The following RIOK1 variants were observed in gnomAD, a reference collection of about 807,000 sequenced individuals.
RIOK1 encodes serine/threonine-protein kinase RIO1.
RIOK1 carries 66 observed loss-of-function variants against 73.5 expected under a neutral mutation model. That is an observed-to-expected ratio of 0.90 (90% CI 0.74 to 1.10). The LOEUF (loss-of-function observed/expected upper bound fraction) is 1.10, where lower values mean the gene tolerates loss of function less well. RIOK1 is among the 50% of genes least tolerant of loss of function. The probability of loss-of-function intolerance (pLI) is 0.00; values close to 1 mark genes in which losing one functional copy is unlikely to be tolerated. For synonymous variants in RIOK1, 224 were observed against 226.8 expected (o/e 0.99, Z 0.11); for missense variants, 658 against 699.8 (o/e 0.94, Z 0.67).
At chr6:7,393,365 G>T in intron 2 of RIOK1, 62 bp downstream of exon 2, 2 of 1,373,036 alleles carry the variant, frequency 1.5e-6, no homozygotes, top group South Asian at 1.2e-5. Context: ...TTTTTAAAAG[G>T]CTGTTTTGTG....
chr6:7,404,123 C>A, intron 9 of RIOK1, 96 bp downstream of exon 9: 1 of 881,684 alleles, frequency 1.1e-6, no homozygotes, highest in Non-Finnish European at 1.9e-6. Context: ...ATTTGAATAA[C>A]TTATTAATCT....
In RIOK1 at chr6:7,403,939, A is replaced by G. The variant is rs749779190; in HGVS notation, c.768-2A>G. ...GTCCTTTTATTTGTTATAATATCAC[A>G]GGCTAAACACAGCAGAGATACCATG... On this transcript the variant is annotated splice_acceptor_variant, in intron 8 of 16. Transcript: ENST00000379834. LOFTEE classifies it high-confidence loss of function. 1 of 1,605,074 alleles carries G rather than the reference A, an allele frequency of 6.2e-7. No homozygotes were observed. Among genetic ancestry groups the G allele is most frequent in the East Asian group, 2.2e-5 (1 of 44,698 alleles).
chr6:7,411,180 G>T, intron 13 of RIOK1, 152 bp from the exon 14 acceptor site: 1 of 675,940 alleles, frequency 1.5e-6, no homozygotes. Flanking sequence ...CATCACAGAT[G>T]GGATACCAGT....
chr6:7,417,195 G>A, intron 16 of RIOK1, 136 bp from the exon 17 acceptor site: 1 of 525,084 alleles, frequency 1.9e-6, no homozygotes, highest in Non-Finnish European at 3.4e-6. Context: ...AGGCTGAAGT[G>A]AACCATGGTC....
chr6:7,411,368 G>T lies in RIOK1; in HGVS notation c.1306G>T (p.Glu436Ter). ...KRAYIPRTLN[E>*]VKNYERDMDI... ...AGCATATATTCCTAGAACCTTGAATGAAGTGAAAAATTATGAGAGGGATAT... is the reference window on the plus strand; with the variant it reads ...AGCATATATTCCTAGAACCTTGAATTAAGTGAAAAATTATGAGAGGGATAT... The change falls in exon 14 of 17, where the codon GAA (glutamate) becomes TAA (stop). Residue 436 changes from glutamate (E) to a stop codon, truncating the protein, a stop_gained. Transcript: ENST00000379834. LOFTEE classifies it high-confidence loss of function. The T allele has an allele frequency of 1.2e-6, 2 of 1,614,018 alleles. No homozygotes were observed. The highest frequency in any genetic ancestry group is 1.7e-6 in the Non-Finnish European group (2 of 1,179,934).
chr6:7,400,818 C>T (rs1761593316), intron 5 of RIOK1, 140 bp from the exon 6 acceptor site: 2 of 568,164 alleles, frequency 3.5e-6, no homozygotes, highest in East Asian at 3.2e-5. Context: ...TGAATAAAAG[C>T]ACCAAATAGT....
intron 14 of RIOK1, among the ~76,000 whole-genome samples, chr6:7,412,478 A>G (rs1411966229): frequency 1.3e-5 from 2 of 152,128 alleles, no homozygotes; most frequent in Non-Finnish European, 2.9e-5. Flanking sequence ...AACATGGTGA[A>G]ACCTCGTCTC....
At chr6:7,405,431 C>A in intron 12 of RIOK1, 76 bp downstream of exon 12, 2 of 869,020 alleles carry the variant, frequency 2.3e-6, no homozygotes, top group East Asian at 2.5e-5. Context: ...TGCTTGGGAC[C>A]AGAAGTGTTT....
intron 4 of RIOK1, among the ~76,000 whole-genome samples, chr6:7,397,585 A>G (rs967698108): frequency 6.6e-6 from 1 of 152,238 alleles, no homozygotes; most frequent in Non-Finnish European, 1.5e-5. Flanking sequence ...TATTATCACT[A>G]TATTATAGAA....
At chr6:7,405,095 T>A in intron 11 of RIOK1, 74 bp downstream of exon 11, 1 of 1,320,636 alleles carries the variant, frequency 7.6e-7, no homozygotes, top group Non-Finnish European at 1.1e-6. Context: ...GCTGTTGGCG[T>A]AAAATTTTCT....
chr6:7,404,503 A>T lies in RIOK1; in HGVS notation c.940A>T (p.Met314Leu). The stretch of plus-strand genomic sequence containing the variant: ...GCAGGTCATTCAGTACATGAGAAGA[A>T]TGTATCAGGATGCCAGACTTGTCCA... ...YLQVIQYMRR[M>L]YQDARLVHAD... Residue 314 changes from methionine to leucine, a missense_variant, in exon 10 of 17, where the codon ATG becomes TTG. Transcript: ENST00000379834. 6.2e-7 allele frequency: 1 copy of T among 1,614,208 alleles called. No individual in the cohort carries two copies. The highest frequency in any genetic ancestry group is 8.5e-7 in the Non-Finnish European group (1 of 1,180,034).
chr6:7,396,920 T>TGTGTGTGTGTG, intron 4 of RIOK1, 148 bp downstream of exon 4: 9 of 525,170 alleles, frequency 1.7e-5, no homozygotes, highest in South Asian at 8.4e-5. Context: ...TGTGTGTGTG[T>TGTGTGTGTGTG]TTTCCTTAGC....
At chr6:7,394,113 ATCC>A (rs1761410073) in intron 2 of RIOK1, among the ~76,000 whole-genome samples, 39 of 152,344 alleles carry the variant, frequency 2.6e-4, no homozygotes, top group Admixed American at 2.2e-3. Context: ...ATAAAGGTTA[ATCC>A]AGCAGTCTTC....
In RIOK1 at chr6:7,402,609, G is replaced by A. The variant is rs750700819; in HGVS notation, c.580G>A (p.Val194Ile). ...GCISTGKEAN[V>I]YHASTANGES... The stretch of plus-strand genomic sequence containing the variant: ...TTTTTTTGACTTAATATAGGCTAAT[G>A]TATACCATGCTAGCACAGCAAATGG... Residue 194 changes from valine (V) to isoleucine (I), a missense_variant, in exon 7 of 17, where the codon GTA becomes ATA. Transcript: ENST00000379834. 3 of 1,591,194 alleles carry A rather than the reference G, an allele frequency of 1.9e-6. No homozygotes were observed. Among genetic ancestry groups the A allele is most frequent in the Non-Finnish European group, 2.6e-6 (3 of 1,170,872 alleles).
chr6:7,393,285 T>C lies in RIOK1; in HGVS notation c.258T>C (p.Asn86=). Residue 86 remains asparagine (N), a synonymous_variant, in exon 2 of 17, where the codon AAT becomes AAC. Transcript: ENST00000379834. ...VGKLAKGYVW[N]GGSNPQANRQ... ...AACTCGCCAAGGGTTATGTCTGGAA[T>C]GGAGGAAGCAACCCACAGGTATTTT... 6.2e-7 allele frequency: 1 copy of C among 1,614,090 alleles called. No individual in the cohort carries two copies. The highest frequency in any genetic ancestry group is 2.2e-5 in the East Asian group (1 of 44,876).
chr6:7,417,384 T>C lies in RIOK1; in HGVS notation c.1650T>C (p.Ile550=), dbSNP rs1762034023. 2 of 1,565,178 alleles carry C rather than the reference T, an allele frequency of 1.3e-6. No homozygotes were observed. The highest frequency in any genetic ancestry group is 1.7e-6 in the Non-Finnish European group (2 of 1,154,968). Residue 550 remains isoleucine, a synonymous_variant, in exon 17 of 17, where the codon ATT becomes ATC. Coordinates refer to ENST00000379834, the MANE Select transcript of RIOK1 (RefSeq NM_031480.3). ...AGAGAGAGAAAAGAAAAAACAAAAT[T>C]CCTAAACATGTGAAAAAAAGAAAGG... is the stretch of plus-strand genomic sequence containing the variant. ...EAQREKRKNK[I]PKHVKKRKEK...
chr6:7,402,501 T>A, intron 6 of RIOK1, 102 bp from the exon 7 acceptor site: 1 of 751,456 alleles, frequency 1.3e-6, no homozygotes, highest in South Asian at 1.9e-5. Flanking sequence ...TCCTTATGCA[T>A]GTTATTTCAG....
At chr6:7,414,652 A>G (rs149375330) in intron 16 of RIOK1, among the ~76,000 whole-genome samples, 110 of 152,268 alleles carry the variant, frequency 7.2e-4, no homozygotes, top group Non-Finnish European at 1.3e-3. Context: ...AGTACAAGTG[A>G]TGTTAGAGTT....
chr6:7,398,709 A>G lies in RIOK1; in HGVS notation c.449A>G (p.Lys150Arg). 9 of 1,613,214 alleles carry G rather than the reference A, an allele frequency of 5.6e-6. No homozygotes were observed. Among genetic ancestry groups the G allele is most frequent in the Non-Finnish European group, 7.6e-6 (9 of 1,179,508 alleles). ...TTGTTTTTGGTTAGGTATCGCATCA[A>G]AGATAAGGCAGACAGAGCAACTGTA... is the stretch of plus-strand genomic sequence containing the variant. ...RQKEADMYRI[K>R]DKADRATVEQ... The change falls in exon 5 of 17, where the codon AAA (lysine) becomes AGA (arginine). Residue 150 changes from lysine (K) to arginine (R), a missense_variant. By Grantham distance (26) the Lys-to-Arg change is conservative (BLOSUM62 2). Coordinates refer to ENST00000379834, the MANE Select transcript of RIOK1 (RefSeq NM_031480.3).
Sources: allele counts gnomAD v4.1 joint callset (sites outside exome capture counted in the v4.1 genomes callset), GRCh38; gene constraint gnomAD v4.1.1; transcripts MANE v1.5; gene names NCBI Gene and HGNC (gene_info 2026-07-23, HGNC 2026-07-21).